SH3TC1: variants seen among roughly 807,000 people sequenced by gnomAD.
SH3TC1 encodes the protein SH3 domain and tetratricopeptide repeats 1, also known as SH3 domain and tetratricopeptide repeat-containing protein 1.
Under a neutral mutation model 117.3 loss-of-function variants are expected in SH3TC1, and 135 were observed. The ratio of observed to expected loss-of-function variants is 1.15; its 90% CI spans 1.00 to 1.33. SH3TC1 has a LOEUF of 1.33. Ranked by LOEUF, SH3TC1 falls within the 40% of genes most tolerant of loss-of-function variation. SH3TC1 has a pLI of 0.00. For missense variants in SH3TC1, 2,092 were observed against 1,794.3 expected (o/e 1.17, Z -3.00); for synonymous variants, 898 against 816.9 (o/e 1.10, Z -1.69).
rs369396401 is a variant in SH3TC1 at position 8,232,579 on chromosome 4, G to A, written c.3131+423G>A. On this transcript the variant is annotated intron_variant, in intron 13 of 17. Coordinates refer to ENST00000245105, the MANE Select transcript of SH3TC1 (RefSeq NM_018986.5). ...TGGCTTCTCTCCCACAGAAGACAGAGCCAGTTGTGTCACCTGCTTCCCTGG... is the reference window on the plus strand; with the variant it reads ...TGGCTTCTCTCCCACAGAAGACAGAACCAGTTGTGTCACCTGCTTCCCTGG... 24 of 1,356,974 alleles carry A rather than the reference G, an allele frequency of 1.8e-5. No individual in the cohort carries two copies. In the South Asian group the frequency reaches 1.8e-4, roughly 10 times the overall value. The allele number at this position is 1,356,974 out of a possible 1,614,324, so 84.1% of individuals were successfully genotyped here. A position where few individuals can be genotyped will look rare whatever the true frequency, so the allele number is the denominator to read the frequency against.
rs1717236471 is a variant in SH3TC1, at chr4:8,186,887, T to C, written c.-57+4677T>C. Among the ~76,000 whole-genome samples the C allele has an allele frequency of 6.9e-6, 1 of 145,148 alleles. No individual in the cohort carries two copies. Among genetic ancestry groups the C allele is most frequent in the African/African-American group, 2.6e-5 (1 of 38,476 alleles). ...TGAACCCAGAAGGTGGAGGTTGCAG[T>C]GAGCCGAGATCATACCACTGCACTC... On this transcript the variant is annotated intron_variant, in intron 1 of 16. Coordinates refer to the SH3TC1 transcript ENST00000508641. This position sits in a 1 kb window ranked among gnomAD's most constrained non-coding sequence, Gnocchi z 5.2.
In SH3TC1 at chr4:8,203,537, T is replaced by C. The variant is rs192193221; in HGVS notation, c.-28-1630T>C. ...TGCTGGGGAAGGAAACTGGGCTCCA[T>C]CTGTGCTTGATGTATGGTGAGATTT... On this transcript the variant is annotated intron_variant, in intron 1 of 17. Coordinates refer to ENST00000245105, the MANE Select transcript of SH3TC1 (RefSeq NM_018986.5). Among the ~76,000 whole-genome samples, 399 of 152,164 alleles carry C rather than the reference T, an allele frequency of 2.6e-3. 2 individuals carry two copies. Among genetic ancestry groups the C allele is most frequent in the African/African-American group, 9.2e-3 (383 of 41,508 alleles).
chr4:8,236,073 C>T, intron 15 of SH3TC1: 2 of 613,076 alleles, frequency 3.3e-6, no homozygotes, highest in Middle Eastern at 4.6e-4. Flanking sequence ...TTTGAGGCTG[C>T]CGGGTGTAGC....
intron 4 of SH3TC1, 107 bp downstream of exon 4, chr4:8,212,935 G>T: frequency 4.3e-6 from 6 of 1,409,052 alleles, no homozygotes; most frequent in Non-Finnish European, 4.7e-6. Flanking sequence ...AGGCCTCAGA[G>T]AGCGAGAGCC....
intron 1 of SH3TC1, among the ~76,000 whole-genome samples, chr4:8,187,221 G>T (rs1257450598): frequency 6.6e-6 from 1 of 152,210 alleles, no homozygotes; most frequent in Non-Finnish European, 1.5e-5. Flanking sequence ...GGGTTTGGGG[G>T]AGGAAGACCA....
chr4:8,199,568 G>A (rs946668728), intron 1 of SH3TC1, among the ~76,000 whole-genome samples, 163 bp downstream of exon 1: 3 of 152,200 alleles, frequency 2.0e-5, no homozygotes, highest in African/African-American at 4.8e-5. Flanking sequence ...GGAGGTCGTC[G>A]GCACCCTCAG....
upstream of SH3TC1, among the ~76,000 whole-genome samples, chr4:8,195,575 T>TACG (rs1717533815): frequency 1.3e-5 from 2 of 152,206 alleles, no homozygotes; most frequent in South Asian, 4.1e-4. Context: ...ACAAACAGGA[T>TACG]ACGGGGTCTC....
At chr4:8,237,450 C>T (rs775932757) in intron 16 of SH3TC1, 24 bp from the exon 17 acceptor site, 20 of 1,471,622 alleles carry the variant, frequency 1.4e-5, no homozygotes, top group Non-Finnish European at 1.7e-5. Context: ...GTCCTCACAC[C>T]TGCCCCCTTG....
At chr4:8,235,394 C>G (rs1721711379) in intron 14 of SH3TC1, 39 bp from the exon 15 acceptor site, 2 of 1,435,830 alleles carry the variant, frequency 1.4e-6, no homozygotes, top group African/African-American at 2.9e-5. Context: ...GGCCACCTCA[C>G]CAGGTGTGGG....
rs1456741040 is a variant in SH3TC1, at chr4:8,205,431, G to A, written c.172+65G>A. 1.3e-5 allele frequency: 14 copies of A among 1,068,854 alleles called. No homozygotes were observed. Among genetic ancestry groups the A allele is most frequent in the Non-Finnish European group, 1.6e-5 (14 of 873,552 alleles). 66.2% of individuals were successfully genotyped at this position (1,068,854 alleles called of 1,614,324 possible). On this transcript the variant is annotated intron_variant, in intron 2 of 17. Transcript: ENST00000245105. The surrounding 1 kb of genome is among the most constrained non-coding windows in gnomAD (Gnocchi z 5.4). ...CCCACTTCTCCACCCCACCCGCCCC[G>A]TCCATCCATCCCTCACCACCCTGCC...
At chr4:8,238,222 C>T (rs1158588460) in intron 17 of SH3TC1, among the ~76,000 whole-genome samples, 2 of 152,300 alleles carry the variant, frequency 1.3e-5, no homozygotes, top group Non-Finnish European at 2.9e-5. Flanking sequence ...CGGTGTCTTA[C>T]CACCTGCTTC....
intron 9 of SH3TC1, among the ~76,000 whole-genome samples, chr4:8,222,565 G>C (rs939616628): frequency 6.6e-6 from 1 of 151,660 alleles, no homozygotes; most frequent in Non-Finnish European, 1.5e-5. Flanking sequence ...TAGAGATGGG[G>C]GTTTCACCAT....
At chr4:8,191,968 TTTATTTATTTATTTA>T (rs1217898487) in intron 1 of SH3TC1, among the ~76,000 whole-genome samples, 142 of 2,160 alleles carry the variant, frequency 0.066, no homozygotes, top group Admixed American at 0.087. Context: ...CATTTATTTA[TTTATTTATTTATTTA>T]TTTATTTATT....
At chr4:8,240,579 G>T (rs758228936) in intron 17 of SH3TC1, 119 bp from the exon 18 acceptor site, 4 of 1,486,188 alleles carry the variant, frequency 2.7e-6, no homozygotes, top group Non-Finnish European at 2.8e-6. Context: ...CACAGGCTTC[G>T]GGGCTCATGG....
chr4:8,214,431 A>G, intron 4 of SH3TC1, 44 bp from the exon 5 acceptor site: 4 of 1,578,372 alleles, frequency 2.5e-6, no homozygotes, highest in Non-Finnish European at 3.5e-6. Context: ...CAGATGCCCC[A>G]GAGCTCCTGG....
intron 6 of SH3TC1, among the ~76,000 whole-genome samples, chr4:8,216,630 G>A (rs937219212): frequency 6.6e-6 from 1 of 152,176 alleles, no homozygotes; most frequent in Non-Finnish European, 1.5e-5. Context: ...GGGCCTGCCA[G>A]CAGTGGCTGG....
At position 8,216,226 on chromosome 4, in the gene SH3TC1, G is replaced by A. The variant is rs749792356; in HGVS notation, c.597G>A (p.Arg199=). 19 of 1,613,754 alleles carry A rather than the reference G, an allele frequency of 1.2e-5. No homozygotes were observed. In the South Asian group the frequency reaches 1.9e-4, roughly 16 times the overall value. ...IQVHVDENAL[R]LTHESLLIQE... ...TCCATGTGGATGAGAACGCCTTAAGGCTGACCCACGAGAGCCTCCTCATCC... is the reference window on the plus strand; with the variant it reads ...TCCATGTGGATGAGAACGCCTTAAGACTGACCCACGAGAGCCTCCTCATCC... The change falls in exon 6 of 18, where the codon AGG becomes AGA. Residue 199 remains arginine, a synonymous_variant. Coordinates refer to ENST00000245105, the MANE Select transcript of SH3TC1 (RefSeq NM_018986.5).
upstream of SH3TC1, among the ~76,000 whole-genome samples, chr4:8,196,615 G>C (rs1212042180): frequency 6.6e-6 from 1 of 152,232 alleles, no homozygotes; most frequent in African/African-American, 2.4e-5. The surrounding 1 kb of genome is among the most constrained non-coding windows in gnomAD (Gnocchi z 4.6). Flanking sequence ...CCTTTGTCAA[G>C]GGTGGAAGCA....
intron 4 of SH3TC1, among the ~76,000 whole-genome samples, chr4:8,213,793 G>T (rs1042080972): frequency 8.6e-5 from 13 of 151,946 alleles, no homozygotes; most frequent in Admixed American, 1.3e-4. Context: ...GAGTAAAATG[G>T]GTGGATTATC....
Sources: gnomAD v4.1 joint callset for allele counts (sites outside exome capture counted in the v4.1 genomes callset) on GRCh38, gnomAD v4.1.1 for gene constraint, Gnocchi (gnomAD v3.1) non-coding constraint, MANE v1.5 for transcripts, NCBI Gene and HGNC (gene_info 2026-07-23, HGNC 2026-07-21) for gene names.